RP9: variants seen among roughly 807,000 people sequenced by gnomAD.
The protein encoded by RP9 is RP9 pre-mRNA splicing factor, also known as retinitis pigmentosa 9 protein.
Under a neutral mutation model 32.6 loss-of-function variants are expected in RP9, and 23 were observed. The observed-to-expected ratio is 0.71, with a 90% CI of 0.51 to 1.00. The LOEUF (loss-of-function observed/expected upper bound fraction) is 1.00, where lower values mean the gene tolerates loss of function less well. Ranked by LOEUF, RP9 falls within the 50% of genes least tolerant of loss-of-function variation. The probability of loss-of-function intolerance (pLI) is 0.00; values close to 1 mark genes in which losing one functional copy is unlikely to be tolerated. For synonymous variants in RP9, 94 were observed against 103.6 expected (o/e 0.91, Z 0.56); for missense variants, 245 against 285.3 (o/e 0.86, Z 1.02).
At chr7:33,106,491 T>TA (rs1399978965) in intron 1 of RP9, among the ~76,000 whole-genome samples, 1 of 152,214 alleles carries the variant, frequency 6.6e-6, no homozygotes, top group Non-Finnish European at 1.5e-5. Context: ...ATAATAATGT[T>TA]AATACTAAGC....
Position 33,100,953 on chromosome 7 carries a change from G to A in RP9, c.153-392C>T, listed in dbSNP as rs893860229. Reference sequence around the variant, plus strand: ...GTACCTCCTCCCAAAAGAGTAATATGCAAATATTTTTAGCTCAGGTCTGTC... The same window carrying A: ...GTACCTCCTCCCAAAAGAGTAATATACAAATATTTTTAGCTCAGGTCTGTC... On this transcript the variant is annotated intron_variant, in intron 1 of 5. Transcript: ENST00000297157. The A allele has an allele frequency of 7.1e-5, 26 of 367,500 alleles. 1 individual carries two copies. The highest frequency in any genetic ancestry group is 5.5e-4 in the South Asian group (26 of 47,046). 22.8% of individuals were successfully genotyped at this position (367,500 alleles called of 1,614,324 possible). A position where few individuals can be genotyped will look rare whatever the true frequency, so the allele number is the denominator to read the frequency against.
intron 1 of RP9, among the ~76,000 whole-genome samples, chr7:33,108,025 T>C (rs1788523137): frequency 6.6e-6 from 1 of 152,210 alleles, no homozygotes; most frequent in Admixed American, 6.5e-5. Flanking sequence ...GCTGCTGTGA[T>C]TGTCTGAGAC....
chr7:33,107,833 G>A (rs138555756), intron 1 of RP9, among the ~76,000 whole-genome samples: 4 of 152,182 alleles, frequency 2.6e-5, no homozygotes, highest in Non-Finnish European at 4.4e-5. Flanking sequence ...CCCATAACCA[G>A]AATAGGTCCA....
chr7:33,097,396 AAC>A, intron 3 of RP9, 34 bp from the exon 4 acceptor site: 1 of 1,476,906 alleles, frequency 6.8e-7, no homozygotes, highest in Non-Finnish European at 9.5e-7. Context: ...TCTGTAAGAT[AAC>A]AGTTTCACCT....
intron 2 of RP9, 35 bp from the exon 3 acceptor site, chr7:33,099,471 G>A: frequency 1.2e-6 from 2 of 1,613,474 alleles, no homozygotes; most frequent in Middle Eastern, 1.6e-4. Context: ...AGCATGGCAA[G>A]AGCGCTGGGA....
intron 1 of RP9, among the ~76,000 whole-genome samples, chr7:33,106,194 A>G (rs1028340977): frequency 6.6e-6 from 1 of 151,982 alleles, no homozygotes; most frequent in Admixed American, 6.6e-5. Flanking sequence ...TTGAGACAGG[A>G]TATCACTCTG....
chr7:33,100,312 C>T, intron 2 of RP9: 1 of 615,650 alleles, frequency 1.6e-6, no homozygotes, highest in Non-Finnish European at 2.9e-6. Context: ...CGTGGGCCTG[C>T]ACTGGTTCTT....
chr7:33,098,718 T>C (rs1332055630), intron 3 of RP9, among the ~76,000 whole-genome samples: 2 of 152,166 alleles, frequency 1.3e-5, no homozygotes, highest in African/African-American at 4.8e-5. Flanking sequence ...CCATCAAAAT[T>C]CTCAAGGAAA....
rs1248087724 is a variant in RP9 at position 33,100,654 on chromosome 7, A to G, written c.153-93T>C. 5 of 1,005,196 alleles carry G rather than the reference A, an allele frequency of 5.0e-6. No individual in the cohort carries two copies. The East Asian group carries it at 7.3e-5, about 15-fold the overall frequency. The allele number at this position is 1,005,196 out of a possible 1,614,324, so 62.3% of individuals were successfully genotyped here. A position where few individuals can be genotyped will look rare whatever the true frequency, so the allele number is the denominator to read the frequency against. On this transcript the variant is annotated intron_variant, in intron 1 of 5. Transcript: ENST00000297157. ...AAAAGGGGCTATAGGATTTTTAATC[A>G]GAGATTTTAGCAACAATAAGCTTTT...
rs754700118 is a variant in RP9 at position 33,095,938 on chromosome 7, TC to T, written c.468-507del. Among the ~76,000 whole-genome samples, 85 of 152,190 alleles carry T rather than the reference TC, an allele frequency of 5.6e-4. No homozygotes were observed. In the Middle Eastern group the frequency reaches 0.017, roughly 30 times the overall value. The stretch of plus-strand genomic sequence containing the variant: ...CCTCAACCTACTGGGGTCAAGTAGA[TC>T]CTCCCACCTCATCCTCCCGAGTGGC... On this transcript the variant is annotated intron_variant, in intron 5 of 5. Coordinates refer to ENST00000297157, the MANE Select transcript of RP9 (RefSeq NM_203288.2).
chr7:33,099,679 A>G (rs1251351269), intron 2 of RP9, among the ~76,000 whole-genome samples: 5 of 152,200 alleles, frequency 3.3e-5, no homozygotes, highest in African/African-American at 7.2e-5. Flanking sequence ...GGTGAAGCAG[A>G]AAAATCTGTC....
At chr7:33,098,006 T>C (rs1788366953) in intron 3 of RP9, among the ~76,000 whole-genome samples, 1 of 152,226 alleles carries the variant, frequency 6.6e-6, no homozygotes, top group African/African-American at 2.4e-5. Flanking sequence ...TCATTTACTA[T>C]TTTAGACACT....
Position 33,109,340 on chromosome 7 carries a change from C to A in RP9, c.33G>T (p.Gly11=). 2 of 1,449,028 alleles carry A rather than the reference C, an allele frequency of 1.4e-6. No individual in the cohort carries two copies. Among genetic ancestry groups the A allele is most frequent in the Non-Finnish European group, 1.8e-6 (2 of 1,104,822 alleles). The allele number at this position is 1,449,028 out of a possible 1,614,324, so 89.8% of individuals were successfully genotyped here. A position where few individuals can be genotyped will look rare whatever the true frequency, so the allele number is the denominator to read the frequency against. ...CACGCGGCCGCCGCGCGCCCGCAGC[C>A]CCCACGTCCTCGCGCCCAGGCCGGG... MSSRPGREDV[G]AAGARRPREP... Residue 11 remains glycine (G), a synonymous_variant, in exon 1 of 6, where the codon GGG becomes GGT. Coordinates refer to ENST00000297157, the MANE Select transcript of RP9 (RefSeq NM_203288.2). This position sits in a 1 kb window ranked among gnomAD's most constrained non-coding sequence, Gnocchi z 4.9.
intron 1 of RP9, among the ~76,000 whole-genome samples, chr7:33,107,024 G>C (rs1170296315): frequency 6.6e-6 from 1 of 152,160 alleles, no homozygotes. Context: ...GGTTTGGGAG[G>C]GGGAAGAGGG....
At chr7:33,096,390 A>C (rs1562618740) in intron 5 of RP9, 103 bp downstream of exon 5, 6 of 827,496 alleles carry the variant, frequency 7.3e-6, no homozygotes, top group Non-Finnish European at 1.0e-5. Flanking sequence ...CAATTGAAGT[A>C]CCATGTTTAC....
At chr7:33,104,330 G>A (rs2128033397) in intron 1 of RP9, among the ~76,000 whole-genome samples, 1 of 152,214 alleles carries the variant, frequency 6.6e-6, no homozygotes, top group East Asian at 1.9e-4. Context: ...CGGAGGGTGA[G>A]CATCAGAAAA....
At chr7:33,107,456 G>T (rs919813344) in intron 1 of RP9, among the ~76,000 whole-genome samples, 3 of 152,166 alleles carry the variant, frequency 2.0e-5, no homozygotes, top group Admixed American at 2.0e-4. Context: ...GGCTGGGCAG[G>T]GCCAGGCATT....
chr7:33,107,212 A>G (rs1788511809), intron 1 of RP9, among the ~76,000 whole-genome samples: 1 of 152,220 alleles, frequency 6.6e-6, no homozygotes, highest in South Asian at 2.1e-4. Context: ...ATTCAGTTTT[A>G]AATCTCAGAA....
In RP9 at chr7:33,095,336, C is replaced by A. The variant is rs758145136; in HGVS notation, c.564G>T (p.Lys188Asn). 21 of 1,612,478 alleles carry A rather than the reference C, an allele frequency of 1.3e-5. 1 individual carries two copies. In the South Asian group the frequency reaches 2.2e-4, roughly 17 times the overall value. Residue 188 changes from lysine to asparagine, a missense_variant, in exon 6 of 6, where the codon AAG (lysine) becomes AAT (asparagine). Lys to Asn is a moderately conservative substitution (Grantham distance 94, BLOSUM62 0). This residue lies in a region of RP9 where 63 missense variants were observed against 109.8 expected (regional missense o/e 0.57). Transcript: ENST00000297157. ...SSEGKEKHKKKKKKEKHKKRK... is the reference protein window; with the variant it reads ...SSEGKEKHKKNKKKEKHKKRK... ...TTTTCTTATGCTTTTCTTTCTTCTT[C>A]TTTTTCTTGTGTTTCTCTTTACCTT... is the stretch of plus-strand genomic sequence containing the variant.
Sources: allele counts gnomAD v4.1 joint callset (sites outside exome capture counted in the v4.1 genomes callset), GRCh38; gene constraint gnomAD v4.1.1; regional missense constraint gnomAD v4.1.1; non-coding constraint Gnocchi (gnomAD v3.1); transcripts MANE v1.5; gene names NCBI Gene and HGNC (gene_info 2026-07-23, HGNC 2026-07-21).